The following DNAJC3 variants were observed in gnomAD, a reference collection of about 807,000 sequenced individuals.
DNAJC3 encodes the protein dnaJ homolog subfamily C member 3.
A neutral mutation model predicts 68.6 loss-of-function variants in DNAJC3; 38 were observed. The observed-to-expected ratio is 0.55, with a 90% CI of 0.43 to 0.73. DNAJC3 has a LOEUF of 0.73. DNAJC3 is among the 30% of genes least tolerant of loss of function. The probability of loss-of-function intolerance (pLI) is 0.00; values close to 1 mark genes in which losing one functional copy is unlikely to be tolerated. For synonymous variants in DNAJC3, 203 were observed against 204.0 expected, an observed-to-expected ratio of 1.00 and a Z score of 0.04; for missense variants, 526 against 591.9, an observed-to-expected ratio of 0.89 and a Z score of 1.16.
At position 95,763,698 on chromosome 13, in the gene DNAJC3, G is replaced by T. The variant is rs1190654113; in HGVS notation, c.904G>T (p.Ala302Ser). Residue 302 changes from alanine (A) to serine (S), a missense_variant, in exon 8 of 12, where the codon GCT (alanine) becomes TCT (serine). Transcript: ENST00000602402. Reference sequence around the variant, plus strand: ...TGTCATGAAAACAGAGCCAAGCATTGCTGAATATACAGTTCGTTCAAAGGA... The same window carrying T: ...TGTCATGAAAACAGAGCCAAGCATTTCTGAATATACAGTTCGTTCAAAGGA... ...ESVMKTEPSI[A>S]EYTVRSKERI... is the part of the protein sequence containing the mutation. 4 of 1,613,914 alleles carry T rather than the reference G, an allele frequency of 2.5e-6. No individual in the cohort carries two copies. The highest frequency in any genetic ancestry group is 2.5e-6 in the Non-Finnish European group (3 of 1,179,928).
intron 4 of DNAJC3, among the ~76,000 whole-genome samples, chr13:95,740,639 C>G (rs1882105827): frequency 1.3e-5 from 2 of 152,340 alleles, no homozygotes; most frequent in South Asian, 2.1e-4. Flanking sequence ...TTGCACTTCC[C>G]AAGTGAGGCA....
chr13:95,789,835 A>AT (rs1180261897), intron 11 of DNAJC3, among the ~76,000 whole-genome samples: 2 of 152,000 alleles, frequency 1.3e-5, no homozygotes, highest in Non-Finnish European at 2.9e-5. Context: ...AATAATAGCC[A>AT]TTTTTTATTT....
At chr13:95,777,712 A>G (rs1288996335) in intron 9 of DNAJC3, among the ~76,000 whole-genome samples, 1 of 152,230 alleles carries the variant, frequency 6.6e-6, no homozygotes, top group Non-Finnish European at 1.5e-5. Context: ...AATAGACAGC[A>G]ATATAATAAT....
At chr13:95,709,639 T>C (rs1207169263) in intron 2 of DNAJC3, among the ~76,000 whole-genome samples, 1 of 146,968 alleles carries the variant, frequency 6.8e-6, no homozygotes, top group Non-Finnish European at 1.5e-5. Flanking sequence ...TTTTTTTTTT[T>C]TTTTTTTTTT....
At chr13:95,732,526 C>G (rs1036617745) in intron 4 of DNAJC3, among the ~76,000 whole-genome samples, 1 of 148,802 alleles carries the variant, frequency 6.7e-6, no homozygotes, top group African/African-American at 2.5e-5. Flanking sequence ...ACAATATTTC[C>G]TTTTTGTTTC....
rs373953323 is a variant in DNAJC3, at chr13:95,718,648, G to A, written c.194-4594G>A. On this transcript the variant is annotated intron_variant, in intron 2 of 11. Transcript: ENST00000602402. The stretch of plus-strand genomic sequence containing the variant: ...ACTCCTGGCCTCAAGTGATCCACCC[G>A]CCTTGGCCTCCCAAAATGCTGGTAT... 7.2e-5 allele frequency among the ~76,000 whole-genome samples: 11 copies of A among 152,098 alleles called. No homozygotes were observed. The East Asian group carries it at 1.4e-3, about 19-fold the overall frequency.
intron 4 of DNAJC3, among the ~76,000 whole-genome samples, chr13:95,730,808 A>G (rs1275976122): frequency 6.6e-6 from 1 of 152,138 alleles, no homozygotes; most frequent in African/African-American, 2.4e-5. Context: ...TTGGTTTCAT[A>G]TGAATTGTAT....
chr13:95,706,275 C>T (rs1345498285), intron 1 of DNAJC3, among the ~76,000 whole-genome samples: 1 of 152,080 alleles, frequency 6.6e-6, no homozygotes, highest in East Asian at 1.9e-4. Context: ...ACAATATGGC[C>T]CATCCATTAA....
chr13:95,741,892 G>T (rs1341807940), intron 4 of DNAJC3, among the ~76,000 whole-genome samples: 3 of 152,210 alleles, frequency 2.0e-5, no homozygotes, highest in African/African-American at 7.2e-5. Flanking sequence ...CTTGGGCAGA[G>T]GCAGGGGTAG....
At chr13:95,783,265 A>G (rs1025286632) in intron 9 of DNAJC3, among the ~76,000 whole-genome samples, 1 of 152,238 alleles carries the variant, frequency 6.6e-6, no homozygotes, top group African/African-American at 2.4e-5. Context: ...ATAGGAAACA[A>G]CCTATAATTT....
rs1359420907 is a variant in DNAJC3 at position 95,773,731 on chromosome 13, C to CTCTT, written c.1075+9779_1075+9780insCTTT. Among the ~76,000 whole-genome samples the CTCTT allele has an allele frequency of 4.6e-3, 327 of 71,388 alleles. 6 individuals are homozygous for CTCTT. Among genetic ancestry groups the CTCTT allele is most frequent in the African/African-American group, 0.018 (316 of 17,510 alleles). 46.8% of individuals were successfully genotyped at this position (71,388 alleles called of 152,430 possible). A position where few individuals can be genotyped will look rare whatever the true frequency, so the allele number is the denominator to read the frequency against. On this transcript the variant is annotated intron_variant, in intron 9 of 11. Coordinates refer to ENST00000602402, the MANE Select transcript of DNAJC3 (RefSeq NM_006260.5). ...ACAAAGTTTGGTCAATTTTGTTGGT[C>CTCTT]TTTTTTTTTTTTTTTTTTTTTTTTG... is the stretch of plus-strand genomic sequence containing the variant.
chr13:95,715,803 A>G (rs892571776), intron 2 of DNAJC3, among the ~76,000 whole-genome samples: 1 of 151,846 alleles, frequency 6.6e-6, no homozygotes, highest in South Asian at 2.1e-4. Context: ...CATGATTTCT[A>G]GGAAGACCAT....
At chr13:95,731,872 C>T (rs1881726023) in intron 4 of DNAJC3, among the ~76,000 whole-genome samples, 2 of 151,496 alleles carry the variant, frequency 1.3e-5, no homozygotes, top group South Asian at 4.2e-4. Flanking sequence ...GTAGCTGGGA[C>T]CACAGGTGTG....
chr13:95,764,364 T>G (rs996820206), intron 9 of DNAJC3, among the ~76,000 whole-genome samples: 1 of 141,212 alleles, frequency 7.1e-6, no homozygotes, highest in Non-Finnish European at 1.5e-5. Flanking sequence ...TCTCTCTCTC[T>G]CTCTCTCTCT....
In DNAJC3 at chr13:95,794,087, T is replaced by C. The variant is rs979971890; in HGVS notation, c.*3057T>C. 6.6e-6 allele frequency: 1 copy of C among 152,226 alleles called. No homozygotes were observed. Among genetic ancestry groups the C allele is most frequent in the African/African-American group, 2.4e-5 (1 of 41,460 alleles). 9.4% of individuals were successfully genotyped at this position (152,226 alleles called of 1,614,324 possible). A position where few individuals can be genotyped will look rare whatever the true frequency, so the allele number is the denominator to read the frequency against. On this transcript the variant is annotated 3_prime_UTR_variant, in exon 12 of 12. Coordinates refer to ENST00000602402, the MANE Select transcript of DNAJC3 (RefSeq NM_006260.5). Reference sequence around the variant, plus strand: ...GAATCAGATGTAACGTACTACTAATTCTACAATGCCTTTCTCTTTAGTCAG... The same window carrying C: ...GAATCAGATGTAACGTACTACTAATCCTACAATGCCTTTCTCTTTAGTCAG...
At position 95,793,650 on chromosome 13, in the gene DNAJC3, A is replaced by G. The variant is rs1279008758; in HGVS notation, c.*2620A>G. On this transcript the variant is annotated 3_prime_UTR_variant, in exon 12 of 12. Transcript: ENST00000602402. ...GGCTAATTTTTGTATTTTTAGTAGAAATGGGGTTTCACTGTGTTAGCCAGG... is the reference window on the plus strand; with the variant it reads ...GGCTAATTTTTGTATTTTTAGTAGAGATGGGGTTTCACTGTGTTAGCCAGG... 2.6e-5 allele frequency: 4 copies of G among 152,206 alleles called. No individual in the cohort carries two copies. The East Asian group carries it at 5.8e-4, about 22-fold the overall frequency. The allele number at this position is 152,206 out of a possible 1,614,324, so 9.4% of individuals were successfully genotyped here.
intron 1 of DNAJC3, chr13:95,692,671 A>T (rs190688264): frequency 6.6e-6 from 1 of 152,240 alleles, no homozygotes; most frequent in Non-Finnish European, 1.5e-5. Context: ...TTTAGGTGCT[A>T]TTACCACCAT....
At chr13:95,697,976 G>A (rs1880493265) in intron 1 of DNAJC3, among the ~76,000 whole-genome samples, 2 of 152,036 alleles carry the variant, frequency 1.3e-5, no homozygotes. Context: ...CAGAAAGCCA[G>A]TGCAGTCTTT....
chr13:95,692,119 G>GGGGAGA (rs370295448), intron 1 of DNAJC3, among the ~76,000 whole-genome samples: 27 of 146,964 alleles, frequency 1.8e-4, no homozygotes, highest in African/African-American at 5.2e-4. Flanking sequence ...GGGAGACTGT[G>GGGGAGA]GGGAGAGGGA....
Sources: allele counts gnomAD v4.1 joint callset (sites outside exome capture counted in the v4.1 genomes callset), GRCh38; gene constraint gnomAD v4.1.1; transcripts MANE v1.5; gene names NCBI Gene and HGNC (gene_info 2026-07-23, HGNC 2026-07-21).